The following RORA variants were observed in gnomAD, a reference collection of about 807,000 sequenced individuals.
The protein encoded by RORA is nuclear receptor ROR-alpha.
Under a neutral mutation model 69.5 loss-of-function variants are expected in RORA, and 7 were observed. The observed-to-expected ratio is 0.10, with a 90% CI of 0.06 to 0.19. RORA has a LOEUF of 0.19. Among genes scored for constraint, RORA ranks in the 10% least tolerant of loss-of-function variants. RORA has a pLI of 1.00. For synonymous variants in RORA, 261 were observed against 240.8 expected, an observed-to-expected ratio of 1.08 and a Z score of -0.78; for missense variants, 457 against 663.0, an observed-to-expected ratio of 0.69 and a Z score of 3.41.
intron 1 of RORA, among the ~76,000 whole-genome samples, chr15:60,921,356 A>T (rs1160449497): frequency 1.3e-5 from 2 of 152,246 alleles, no homozygotes; most frequent in Non-Finnish European, 2.9e-5. Flanking sequence ...TGAAAAGGAA[A>T]GACCCATTGC....
chr15:60,727,846 G>A (rs1003606538), intron 1 of RORA, among the ~76,000 whole-genome samples: 2 of 152,152 alleles, frequency 1.3e-5, no homozygotes, highest in African/African-American at 4.8e-5. Context: ...TCTAGGAGAG[G>A]TTCACGGGCA....
chr15:60,777,393 G>T (rs1314990190), intron 1 of RORA, among the ~76,000 whole-genome samples: 1 of 152,182 alleles, frequency 6.6e-6, no homozygotes, highest in Non-Finnish European at 1.5e-5. Context: ...ATAAATCTGT[G>T]TGACCTTAGG....
At chr15:60,815,789 C>T (rs1023566965) in intron 1 of RORA, among the ~76,000 whole-genome samples, 1 of 151,316 alleles carries the variant, frequency 6.6e-6, no homozygotes. Flanking sequence ...TTCCTCCATT[C>T]TGATCTTTTA....
intron 1 of RORA, among the ~76,000 whole-genome samples, chr15:60,707,334 T>TTTTATTTC (rs1555447514): frequency 7.3e-6 from 1 of 136,080 alleles, no homozygotes; most frequent in Non-Finnish European, 1.6e-5. Flanking sequence ...TATTTCTTTA[T>TTTTATTTC]TTTATTTATT....
intron 1 of RORA, among the ~76,000 whole-genome samples, chr15:60,844,331 A>C (rs2073237690): frequency 6.6e-6 from 1 of 152,214 alleles, no homozygotes; most frequent in Admixed American, 6.5e-5. Flanking sequence ...TTACTACTTT[A>C]AACTACACAG....
chr15:60,826,126 A>T (rs1185838230), intron 1 of RORA, among the ~76,000 whole-genome samples: 1 of 152,186 alleles, frequency 6.6e-6, no homozygotes, highest in Non-Finnish European at 1.5e-5. Context: ...CTGGATGGGG[A>T]TGGAGTGGAT....
chr15:60,787,872 G>T (rs11632858), intron 1 of RORA, among the ~76,000 whole-genome samples: 3,791 of 152,302 alleles, frequency 0.025, 77 homozygotes, highest in Non-Finnish European at 0.037. Context: ...ATTCATTCAT[G>T]TATTAACATT....
intron 1 of RORA, among the ~76,000 whole-genome samples, chr15:61,001,310 T>C (rs978195404): frequency 7.2e-5 from 11 of 152,212 alleles, no homozygotes; most frequent in Non-Finnish European, 1.3e-4. Flanking sequence ...TAACTCAACT[T>C]AGGGCTCAGA....
chr15:60,588,383 A>G (rs2068396896), intron 2 of RORA, among the ~76,000 whole-genome samples: 1 of 152,150 alleles, frequency 6.6e-6, no homozygotes, highest in South Asian at 2.1e-4. Context: ...GGTTTTGTTG[A>G]TCCCTATAAT....
intron 1 of RORA, among the ~76,000 whole-genome samples, chr15:60,983,736 C>T (rs7176329): frequency 0.17 from 25,746 of 151,988 alleles, 2,460 homozygotes; most frequent in East Asian, 0.24. Flanking sequence ...TGAGTTGTCC[C>T]GCCTTTCCAG....
intron 1 of RORA, among the ~76,000 whole-genome samples, chr15:60,850,277 A>T (rs2073310333): frequency 6.6e-6 from 1 of 152,322 alleles, no homozygotes; most frequent in East Asian, 1.9e-4. Flanking sequence ...TCTTTGGAAC[A>T]GTTCTCAAAG....
intron 2 of RORA, among the ~76,000 whole-genome samples, chr15:60,645,959 A>G (rs949343983): frequency 5.3e-5 from 8 of 152,304 alleles, no homozygotes; most frequent in African/African-American, 1.7e-4. Flanking sequence ...AAAAAGCAGA[A>G]ATTCCGCACC....
intron 1 of RORA, among the ~76,000 whole-genome samples, chr15:60,788,486 T>A (rs1398614156): frequency 6.6e-6 from 1 of 152,208 alleles, no homozygotes; most frequent in Non-Finnish European, 1.5e-5. Context: ...GCTTGACCTA[T>A]CATCTTTCTT....
At chr15:61,024,948 T>G (rs1175244908) in intron 1 of RORA, among the ~76,000 whole-genome samples, 1 of 152,214 alleles carries the variant, frequency 6.6e-6, no homozygotes, top group Non-Finnish European at 1.5e-5. Context: ...CTATAAGCAA[T>G]TTTATATCTT....
intron 1 of RORA, among the ~76,000 whole-genome samples, chr15:60,923,460 C>G (rs11854760): frequency 0.76 from 115,757 of 152,148 alleles, 44,708 homozygotes; most frequent in East Asian, 0.93. Context: ...GAGGCTGTGA[C>G]GAAAGCACTG....
chr15:60,901,470 C>T (rs8041087), intron 1 of RORA, among the ~76,000 whole-genome samples: 11,865 of 152,202 alleles, frequency 0.078, 968 homozygotes, highest in African/African-American at 0.2. Flanking sequence ...CCACGCCCGG[C>T]GATTCATGAT....
At chr15:60,982,460 A>G (rs1285211584) in intron 1 of RORA, among the ~76,000 whole-genome samples, 1 of 152,212 alleles carries the variant, frequency 6.6e-6, no homozygotes, top group Non-Finnish European at 1.5e-5. Context: ...TAGACAGTAG[A>G]GAAGAATGTT....
intron 2 of RORA, among the ~76,000 whole-genome samples, chr15:60,641,613 G>A (rs143954790): frequency 5.9e-5 from 9 of 151,640 alleles, no homozygotes; most frequent in African/African-American, 2.2e-4. Flanking sequence ...GTTTCACCAT[G>A]TTGGCCGGGC....
At chr15:61,216,614 C>A (rs889538471) in intron 1 of RORA, among the ~76,000 whole-genome samples, 1 of 152,058 alleles carries the variant, frequency 6.6e-6, no homozygotes, top group Non-Finnish European at 1.5e-5. Flanking sequence ...AAGGTAGCAA[C>A]CCCAGCCTCA....
Sources: allele counts gnomAD v4.1 joint callset (sites outside exome capture counted in the v4.1 genomes callset), GRCh38; gene constraint gnomAD v4.1.1; transcripts MANE v1.5; gene names NCBI Gene and HGNC (gene_info 2026-07-23, HGNC 2026-07-21).